Variants in NELL1 observed in about 807,000 individuals in gnomAD.
The protein encoded by NELL1 is protein kinase C-binding protein NELL1.
A neutral mutation model predicts 107.4 loss-of-function variants in NELL1; 76 were observed. The ratio of observed to expected loss-of-function variants is 0.71; its 90% CI spans 0.59 to 0.86. The LOEUF (loss-of-function observed/expected upper bound fraction) is 0.86. NELL1 is among the 40% of genes least tolerant of loss of function. NELL1 has a pLI of 0.00. For synonymous variants in NELL1, 353 were observed against 341.2 expected (o/e 1.03, Z -0.38); for missense variants, 1,024 against 1,005.5 (o/e 1.02, Z -0.25).
At chr11:20,864,439 T>A (rs973022017) in intron 4 of NELL1, among the ~76,000 whole-genome samples, 1 of 152,222 alleles carries the variant, frequency 6.6e-6, no homozygotes, top group Non-Finnish European at 1.5e-5. Flanking sequence ...TTATATATCC[T>A]TTGACCGACA....
intron 2 of NELL1, among the ~76,000 whole-genome samples, chr11:20,707,936 C>T (rs1019785982): frequency 6.6e-6 from 1 of 152,248 alleles, no homozygotes; most frequent in African/African-American, 2.4e-5. Context: ...TATGCCCTGC[C>T]CCCAGAGCTG....
chr11:20,951,982 A>C (rs1791890117), intron 11 of NELL1, among the ~76,000 whole-genome samples: 1 of 152,110 alleles, frequency 6.6e-6, no homozygotes, highest in Admixed American at 6.6e-5. Flanking sequence ...CCTGGGAAGA[A>C]GTAATAAAAG....
At chr11:21,328,906 A>G (rs1002570913) in intron 14 of NELL1, among the ~76,000 whole-genome samples, 1 of 152,282 alleles carries the variant, frequency 6.6e-6, no homozygotes, top group African/African-American at 2.4e-5. Flanking sequence ...CCCAATGCCC[A>G]TACCTCTATT....
intron 15 of NELL1, among the ~76,000 whole-genome samples, chr11:21,482,983 C>T (rs983711210): frequency 6.6e-6 from 1 of 151,822 alleles, no homozygotes; most frequent in Non-Finnish European, 1.5e-5. Flanking sequence ...CATTAGGCCT[C>T]TATAATTTTT....
chr11:21,239,956 T>C lies in NELL1; in HGVS notation c.1549+10502T>C, dbSNP rs1199209812. ...GGGGATCACATATGAGTGTGGGAGG[T>C]CCAAGAAAAGGAATGGCTTGTGCCT... On this transcript the variant is annotated intron_variant, in intron 14 of 19. Coordinates refer to ENST00000357134, the MANE Select transcript of NELL1 (RefSeq NM_006157.5). Among the ~76,000 whole-genome samples, 3 of 152,042 alleles carry C rather than the reference T, an allele frequency of 2.0e-5. No homozygotes were observed. The East Asian group carries it at 5.8e-4, about 29-fold the overall frequency.
chr11:20,730,090 G>A (rs1378604524), intron 2 of NELL1, among the ~76,000 whole-genome samples: 1 of 152,116 alleles, frequency 6.6e-6, no homozygotes, highest in Admixed American at 6.5e-5. Context: ...TAATCAAAGA[G>A]GACTAATGGC....
At chr11:21,415,987 T>C (rs1403533646) in intron 15 of NELL1, among the ~76,000 whole-genome samples, 1 of 152,078 alleles carries the variant, frequency 6.6e-6, no homozygotes, top group Admixed American at 6.6e-5. Flanking sequence ...CTTTTAATGC[T>C]GTGTGCCTGC....
At chr11:20,878,335 G>A (rs1849344961) in intron 4 of NELL1, among the ~76,000 whole-genome samples, 1 of 123,482 alleles carries the variant, frequency 8.1e-6, no homozygotes, top group Non-Finnish European at 1.6e-5. Flanking sequence ...CTTCAGCCTG[G>A]GGGACAGAGA....
chr11:21,564,115 G>C (rs10833570), intron 17 of NELL1, among the ~76,000 whole-genome samples: 76,336 of 151,650 alleles, frequency 0.5, 20,209 homozygotes, highest in Non-Finnish European at 0.59. Flanking sequence ...GCAAATGATC[G>C]TAAGAGATTT....
intron 17 of NELL1, among the ~76,000 whole-genome samples, chr11:21,569,634 G>A (rs1339212465): frequency 6.6e-6 from 1 of 151,852 alleles, no homozygotes; most frequent in Non-Finnish European, 1.5e-5. Flanking sequence ...TCTAAAAACT[G>A]AAGAATTGAA....
At chr11:21,090,872 A>G (rs933267073) in intron 12 of NELL1, among the ~76,000 whole-genome samples, 3 of 152,238 alleles carry the variant, frequency 2.0e-5, no homozygotes, top group Admixed American at 1.3e-4. Context: ...TGGATATCAT[A>G]TAACTGAAAG....
intron 15 of NELL1, among the ~76,000 whole-genome samples, chr11:21,437,429 G>A (rs760939937): frequency 2.6e-5 from 4 of 152,100 alleles, no homozygotes; most frequent in Non-Finnish European, 4.4e-5. Flanking sequence ...GTGCGATCTC[G>A]GCTCACCGCA....
At chr11:21,420,728 T>C (rs1852644109) in intron 15 of NELL1, among the ~76,000 whole-genome samples, 1 of 151,950 alleles carries the variant, frequency 6.6e-6, no homozygotes, top group South Asian at 2.1e-4. Flanking sequence ...TGTATTAGAG[T>C]GGGTCCAGAT....
chr11:21,184,731 CCT>C (rs1856896665), intron 13 of NELL1, among the ~76,000 whole-genome samples: 3 of 39,094 alleles, frequency 7.7e-5, no homozygotes, highest in African/African-American at 1.4e-4. Flanking sequence ...AAATGAATGT[CCT>C]CTGTTTTTAA....
chr11:21,457,577 T>A (rs1246779411), intron 15 of NELL1, among the ~76,000 whole-genome samples: 1 of 152,090 alleles, frequency 6.6e-6, no homozygotes, highest in African/African-American at 2.4e-5. Context: ...GGGTATGGAG[T>A]AAATTTAATT....
At chr11:21,185,715 A>G (rs1311205236) in intron 13 of NELL1, among the ~76,000 whole-genome samples, 3 of 151,804 alleles carry the variant, frequency 2.0e-5, no homozygotes, top group African/African-American at 7.3e-5. Flanking sequence ...AAATGTGATA[A>G]TGGGTATAAA....
chr11:20,922,251 ATGT>A (rs1353248907), intron 7 of NELL1, among the ~76,000 whole-genome samples: 4 of 152,186 alleles, frequency 2.6e-5, no homozygotes, highest in Middle Eastern at 3.4e-3. Flanking sequence ...AATCTTCAGG[ATGT>A]TGTTGTCTTT....
chr11:21,572,985 AT>A (rs1330560444), intron 18 of NELL1, among the ~76,000 whole-genome samples, 199 bp from the exon 19 acceptor site: 1 of 151,872 alleles, frequency 6.6e-6, no homozygotes, highest in Non-Finnish European at 1.5e-5. Context: ...GTCCTGCAGT[AT>A]AGATGATCAG....
chr11:21,200,852 C>A (rs150152737), intron 13 of NELL1, among the ~76,000 whole-genome samples: 1 of 152,092 alleles, frequency 6.6e-6, no homozygotes, highest in South Asian at 2.1e-4. Flanking sequence ...TTTCTACATA[C>A]GGCTAGCCAG....
Sources: allele counts gnomAD v4.1 joint callset (sites outside exome capture counted in the v4.1 genomes callset), GRCh38; gene constraint gnomAD v4.1.1; transcripts MANE v1.5; gene names NCBI Gene and HGNC (gene_info 2026-07-23, HGNC 2026-07-21).